The following AKAP6 variants were observed in gnomAD, a reference collection of about 807,000 sequenced individuals.
The protein encoded by AKAP6 is A-kinase anchoring protein 6.
A neutral mutation model predicts 188.5 loss-of-function variants in AKAP6; 58 were observed. The ratio of observed to expected loss-of-function variants is 0.31; its 90% CI spans 0.25 to 0.38. The LOEUF (loss-of-function observed/expected upper bound fraction) is 0.38. AKAP6 is among the 10% of genes least tolerant of loss of function. The pLI is 1.00. For missense variants in AKAP6, 2,710 were observed against 2,740.0 expected (o/e 0.99, Z 0.24); for synonymous variants, 989 against 998.6 (o/e 0.99, Z 0.18).
intron 1 of AKAP6, among the ~76,000 whole-genome samples, chr14:32,404,112 G>C (rs1208545138): frequency 6.6e-6 from 1 of 151,624 alleles, no homozygotes; most frequent in Non-Finnish European, 1.5e-5. Flanking sequence ...TATTTTTTTT[G>C]AAAAATATTA....
intron 11 of AKAP6, among the ~76,000 whole-genome samples, chr14:32,773,009 T>C (rs2032945841): frequency 6.6e-6 from 1 of 152,220 alleles, no homozygotes; most frequent in Non-Finnish European, 1.5e-5. Context: ...AAAATGCTAT[T>C]TTGGTGCCGG....
chr14:32,820,656 CAGAT>C (rs1401150542), intron 12 of AKAP6, among the ~76,000 whole-genome samples: 2 of 152,148 alleles, frequency 1.3e-5, no homozygotes, highest in Non-Finnish European at 2.9e-5. Context: ...GTCTCTGTCA[CAGAT>C]AGAGACTGGA....
At chr14:32,468,980 T>C (rs973760106) in intron 2 of AKAP6, among the ~76,000 whole-genome samples, 2 of 152,188 alleles carry the variant, frequency 1.3e-5, no homozygotes, top group African/African-American at 4.8e-5. Flanking sequence ...TGTGAAAAAC[T>C]GTCCTAAACT....
rs187905408 is a variant in AKAP6 at position 32,643,158 on chromosome 14, C to T, written c.2731-35153C>T. On this transcript the variant is annotated intron_variant, in intron 7 of 13. Transcript: ENST00000280979. ...ATCATTGTGTTGTCCTAATGGATGACTGAAATCTTCTAGCCCTGAAAGTAG... is the reference window on the plus strand; with the variant it reads ...ATCATTGTGTTGTCCTAATGGATGATTGAAATCTTCTAGCCCTGAAAGTAG... 5.3e-5 allele frequency among the ~76,000 whole-genome samples: 8 copies of T among 152,244 alleles called. No homozygotes were observed. The East Asian group carries it at 1.4e-3, about 26-fold the overall frequency.
At position 32,406,576 on chromosome 14, in the gene AKAP6, G is replaced by A. The variant is rs114438045; in HGVS notation, c.-34-26884G>A. ...TGGAGGCTTATATGTTGTTAAAATT[G>A]CAGTAATTCTTAGTTTAAGAATGTT... On this transcript the variant is annotated intron_variant, in intron 1 of 13. Transcript: ENST00000280979. Among the ~76,000 whole-genome samples the A allele has an allele frequency of 3.7e-3, 556 of 152,270 alleles. 5 individuals carry two copies. The highest frequency in any genetic ancestry group is 0.012 in the African/African-American group (517 of 41,552).
intron 7 of AKAP6, among the ~76,000 whole-genome samples, chr14:32,647,858 A>C (rs1460583276): frequency 6.6e-6 from 1 of 152,072 alleles, no homozygotes; most frequent in Non-Finnish European, 1.5e-5. Context: ...AGCCCTCCTG[A>C]AGTTAATCAA....
intron 9 of AKAP6, among the ~76,000 whole-genome samples, chr14:32,715,688 G>C (rs2030154639): frequency 6.6e-6 from 1 of 151,834 alleles, no homozygotes. Context: ...AAAACAGGAA[G>C]ACAAACTGGA....
chr14:32,556,484 A>T (rs1883693182), intron 4 of AKAP6, among the ~76,000 whole-genome samples: 1 of 152,092 alleles, frequency 6.6e-6, no homozygotes, highest in Non-Finnish European at 1.5e-5. Flanking sequence ...CTGGGACTAC[A>T]GGCATGCGCC....
chr14:32,709,736 G>A (rs1183973986), intron 9 of AKAP6, among the ~76,000 whole-genome samples: 1 of 151,922 alleles, frequency 6.6e-6, no homozygotes, highest in African/African-American at 2.4e-5. Context: ...CTTATTTCTA[G>A]TGTAAATCCT....
chr14:32,627,852 G>A lies in AKAP6; in HGVS notation c.2730+27060G>A, dbSNP rs561391558. Among the ~76,000 whole-genome samples the A allele has an allele frequency of 1.2e-4, 18 of 151,922 alleles. No homozygotes were observed. In the South Asian group the frequency reaches 3.7e-3, roughly 32 times the overall value. On this transcript the variant is annotated intron_variant, in intron 7 of 13. Coordinates refer to ENST00000280979, the MANE Select transcript of AKAP6 (RefSeq NM_004274.5). The stretch of plus-strand genomic sequence containing the variant: ...CTTTCATTTTTTTTTCTTTTTTAGA[G>A]TGGTCTCAAATGGTGGGGATTAAGG...
At chr14:32,435,989 C>T (rs1890365694) in intron 2 of AKAP6, among the ~76,000 whole-genome samples, 1 of 151,942 alleles carries the variant, frequency 6.6e-6, no homozygotes, top group Non-Finnish European at 1.5e-5. Context: ...TTCTGATTTC[C>T]ACGTTGATCA....
At chr14:32,565,242 C>T (rs1884135064) in intron 4 of AKAP6, among the ~76,000 whole-genome samples, 1 of 152,126 alleles carries the variant, frequency 6.6e-6, no homozygotes, top group Non-Finnish European at 1.5e-5. Flanking sequence ...AGTTGAGAAA[C>T]CAAATTTATG....
At chr14:32,553,349 T>C (rs972052810) in intron 4 of AKAP6, among the ~76,000 whole-genome samples, 7 of 152,074 alleles carry the variant, frequency 4.6e-5, no homozygotes, top group African/African-American at 1.7e-4. Flanking sequence ...TTTTGTATTT[T>C]TTTTAGTAGA....
rs1428473515 is a variant in AKAP6, at chr14:32,410,819, A to C, written c.-34-22641A>C. Reference sequence around the variant, plus strand: ...ATTATTTTGGGATACTCTTAACTTTAGATGATGTTGTTAGAAAGATTTTTT... The same window carrying C: ...ATTATTTTGGGATACTCTTAACTTTCGATGATGTTGTTAGAAAGATTTTTT... On this transcript the variant is annotated intron_variant, in intron 1 of 13. Coordinates refer to ENST00000280979, the MANE Select transcript of AKAP6 (RefSeq NM_004274.5). Among the ~76,000 whole-genome samples the C allele has an allele frequency of 3.3e-5, 5 of 152,186 alleles. No individual in the cohort carries two copies. The South Asian group carries it at 8.3e-4, about 25-fold the overall frequency.
Position 32,678,408 on chromosome 14 carries a change from G to A in AKAP6, c.2828G>A (p.Arg943Gln), listed in dbSNP as rs768663464. Residue 943 changes from arginine to glutamine, a missense_variant, in exon 8 of 14, where the codon CGA (arginine) becomes CAA (glutamine). Coordinates refer to ENST00000280979, the MANE Select transcript of AKAP6 (RefSeq NM_004274.5). ...YSEQYTSSSK[R>Q]KEEFADMSKV... ...GAGCAGTATACCAGCAGCAGCAAGC[G>A]AAAGGAAGAGTTTGCTGATATGTCA... 15 of 1,613,812 alleles carry A rather than the reference G, an allele frequency of 9.3e-6. No homozygotes were observed. Among genetic ancestry groups the A allele is most frequent in the Middle Eastern group, 1.6e-4 (1 of 6,082 alleles).
intron 11 of AKAP6, among the ~76,000 whole-genome samples, chr14:32,770,497 G>A (rs1048388644): frequency 2.0e-5 from 3 of 152,124 alleles, no homozygotes; most frequent in African/African-American, 7.2e-5. Context: ...CTTAAAAATG[G>A]CAATAATGAA....
At chr14:32,358,496 T>C (rs1247091190) in intron 1 of AKAP6, among the ~76,000 whole-genome samples, 9 of 152,184 alleles carry the variant, frequency 5.9e-5, no homozygotes, top group Non-Finnish European at 1.2e-4. Flanking sequence ...CTTGTTTTTT[T>C]CCCAGTTTGG....
chr14:32,476,303 T>A (rs1879062638), intron 2 of AKAP6, among the ~76,000 whole-genome samples: 1 of 152,168 alleles, frequency 6.6e-6, no homozygotes, highest in South Asian at 2.1e-4. Flanking sequence ...CATAGAAGGC[T>A]AGGCAAGGAG....
rs151249182 is a variant in AKAP6, at chr14:32,689,336, T to C, written c.2880-6654T>C. Among the ~76,000 whole-genome samples, 575 of 152,274 alleles carry C rather than the reference T, an allele frequency of 3.8e-3. 2 individuals are homozygous for C. The highest frequency in any genetic ancestry group is 0.013 in the African/African-American group (555 of 41,574). ...GGATTATCTTGGTGCTTTATGCTTT[T>C]TATTTCAATAATAGGTGTTGGTGGA... On this transcript the variant is annotated intron_variant, in intron 8 of 13. Transcript: ENST00000280979.
Sources: allele counts gnomAD v4.1 joint callset (sites outside exome capture counted in the v4.1 genomes callset), GRCh38; gene constraint gnomAD v4.1.1; transcripts MANE v1.5; gene names NCBI Gene and HGNC (gene_info 2026-07-23, HGNC 2026-07-21).